PIK3C2A: variants seen among roughly 807,000 people sequenced by gnomAD.
PIK3C2A encodes phosphatidylinositol-4-phosphate 3-kinase catalytic subunit type 2 alpha.
In PIK3C2A, 97 loss-of-function variants were observed where a neutral mutation model predicts 204.5. That is an observed-to-expected ratio of 0.47 (90% CI 0.40 to 0.56). The LOEUF (loss-of-function observed/expected upper bound fraction) is 0.56. Ranked by LOEUF, PIK3C2A falls within the 20% of genes least tolerant of loss-of-function variation. PIK3C2A has a pLI of 0.00. For synonymous variants in PIK3C2A, 653 were observed against 664.4 expected (o/e 0.98, Z 0.26); for missense variants, 1,735 against 1,969.2 (o/e 0.88, Z 2.25).
Position 17,117,598 on chromosome 11 carries a change from C to T in PIK3C2A, c.3109G>A (p.Val1037Ile). 6.2e-7 allele frequency: 1 copy of T among 1,612,668 alleles called. No homozygotes were observed. The highest frequency in any genetic ancestry group is 8.5e-7 in the Non-Finnish European group (1 of 1,178,842). The stretch of plus-strand genomic sequence containing the variant: ...TCTTCTCTAAGTCGTTTTCCTCCTA[C>T]TGACAGGAGAGCACCCAAAACATGT... Reference protein sequence around the residue: ...YEHVLGALLSVGGKRLREELL... With the variant: ...YEHVLGALLSIGGKRLREELL... Residue 1037 changes from valine (V) to isoleucine (I), a missense_variant, in exon 19 of 33, where the codon GTA becomes ATA. Coordinates refer to ENST00000691414, the MANE Select transcript of PIK3C2A (RefSeq NM_002645.4).
In PIK3C2A at chr11:17,099,933, G is replaced by T; in HGVS notation, c.4045C>A (p.Gln1349Lys). 1 of 1,590,322 alleles carries T rather than the reference G, an allele frequency of 6.3e-7. No homozygotes were observed. The highest frequency in any genetic ancestry group is 8.6e-7 in the Non-Finnish European group (1 of 1,158,918). Reference protein sequence around the residue: ...PSGLPELTSIQDLKYVRDALQ... With the variant: ...PSGLPELTSIKDLKYVRDALQ... ...GCATCTCTAACGTATTTCAAATCTT[G>T]AATACTTGTAAGTTCTGGTAACCCT... Residue 1349 changes from glutamine to lysine, a missense_variant, in exon 26 of 33, where the codon CAA (glutamine) becomes AAA (lysine). Physicochemically the swap from Gln to Lys is moderately conservative, Grantham distance 53 (BLOSUM62 1). Around this residue, in one of 6 missense-constraint regions of PIK3C2A, gnomAD observed 503 missense variants for 669.0 expected, o/e 0.75. Coordinates refer to ENST00000691414, the MANE Select transcript of PIK3C2A (RefSeq NM_002645.4).
At chr11:17,191,266 G>A (rs1267778304) in intron 1 of PIK3C2A, among the ~76,000 whole-genome samples, 2 of 152,126 alleles carry the variant, frequency 1.3e-5, no homozygotes, top group Non-Finnish European at 2.9e-5. Context: ...TGTCCTTCTG[G>A]CCAGGGTTGG....
intron 28 of PIK3C2A, among the ~76,000 whole-genome samples, chr11:17,092,546 C>T (rs1172533321): frequency 6.6e-6 from 1 of 152,046 alleles, no homozygotes; most frequent in Admixed American, 6.6e-5. Flanking sequence ...TAATCAGATA[C>T]CTATAATCCC....
At chr11:17,168,529 C>G (rs888608338) in intron 2 of PIK3C2A, 148 bp downstream of exon 2, 2 of 597,254 alleles carry the variant, frequency 3.3e-6, no homozygotes, top group East Asian at 5.9e-5. Flanking sequence ...TGCAGTGAGC[C>G]GAAATCACGC....
At chr11:17,096,641 A>G (rs577812121) in intron 27 of PIK3C2A, among the ~76,000 whole-genome samples, 2 of 152,354 alleles carry the variant, frequency 1.3e-5, no homozygotes, top group African/African-American at 4.8e-5. Flanking sequence ...TTATCTAACA[A>G]AAAAGGTAGC....
chr11:17,178,937 G>A (rs1047417535), intron 1 of PIK3C2A, among the ~76,000 whole-genome samples: 2 of 151,136 alleles, frequency 1.3e-5, no homozygotes, highest in Non-Finnish European at 2.9e-5. Flanking sequence ...CACCTTGTTA[G>A]CCAGGATGGT....
chr11:17,205,748 T>C (rs1468222256), intron 1 of PIK3C2A, among the ~76,000 whole-genome samples: 1 of 152,158 alleles, frequency 6.6e-6, no homozygotes, highest in Non-Finnish European at 1.5e-5. Flanking sequence ...AGAAACAAAC[T>C]TAGTATACAG....
intron 15 of PIK3C2A, 125 bp from the exon 16 acceptor site, chr11:17,120,099 C>A: frequency 2.0e-6 from 1 of 506,472 alleles, no homozygotes; most frequent in Non-Finnish European, 3.4e-6. Context: ...ATCATTAATA[C>A]TAATTTGGAA....
At chr11:17,094,004 C>G (rs752816143) in intron 28 of PIK3C2A, among the ~76,000 whole-genome samples, 4 of 152,170 alleles carry the variant, frequency 2.6e-5, no homozygotes, top group East Asian at 1.9e-4. Context: ...ATGGTAGAGA[C>G]AGCAAAGTTA....
rs775560762 is a variant in PIK3C2A at position 17,168,989 on chromosome 11, T to C, written c.753A>G (p.Ser251=). The C allele has an allele frequency of 2.2e-5, 36 of 1,613,640 alleles. No individual in the cohort carries two copies. The Admixed American group carries it at 3.8e-4, about 17-fold the overall frequency. The part of the protein sequence containing the change: ...KARTDLEITD[S]KVSNLQVSPK... ...GAGATACCTGTAGATTGCTGACTTT[T>C]GAATCTGTTATCTCCAAATCAGTCC... is the stretch of plus-strand genomic sequence containing the variant. Residue 251 remains serine, a synonymous_variant, in exon 2 of 33, where the codon TCA becomes TCG. Coordinates refer to ENST00000691414, the MANE Select transcript of PIK3C2A (RefSeq NM_002645.4).
intron 1 of PIK3C2A, among the ~76,000 whole-genome samples, chr11:17,181,203 G>A (rs1329461301): frequency 6.6e-6 from 1 of 151,994 alleles, no homozygotes; most frequent in African/African-American, 2.4e-5. Context: ...TCATTATATA[G>A]ACATGGTTGA....
intron 22 of PIK3C2A, among the ~76,000 whole-genome samples, chr11:17,105,982 A>C (rs1207290212): frequency 1.3e-5 from 2 of 151,786 alleles, no homozygotes; most frequent in East Asian, 3.9e-4. Flanking sequence ...GGTGGTAGGC[A>C]CCTGTAATCC....
chr11:17,193,715 G>A (rs888128837), intron 1 of PIK3C2A, among the ~76,000 whole-genome samples: 5 of 151,192 alleles, frequency 3.3e-5, no homozygotes, highest in Admixed American at 1.3e-4. Context: ...GCATGATGGC[G>A]CGCGTCTGTA....
chr11:17,095,346 C>T (rs1183855005), intron 27 of PIK3C2A, among the ~76,000 whole-genome samples: 2 of 148,080 alleles, frequency 1.4e-5, no homozygotes, highest in East Asian at 4.0e-4. Flanking sequence ...AAGGCTGAGG[C>T]AGGTGGATCA....
intron 24 of PIK3C2A, among the ~76,000 whole-genome samples, chr11:17,101,642 C>T (rs1384691651): frequency 3.5e-5 from 5 of 144,484 alleles, no homozygotes; most frequent in Admixed American, 1.4e-4. Context: ...CCTGCTCTGT[C>T]GCCCAGGCTG....
intron 2 of PIK3C2A, among the ~76,000 whole-genome samples, chr11:17,164,117 C>T (rs10741723): frequency 0.93 from 142,127 of 152,114 alleles, 66,942 homozygotes; most frequent in Middle Eastern, 0.99. Flanking sequence ...CTGAAAACTA[C>T]AGTCTTCTCT....
chr11:17,155,294 A>G (rs1336038006), intron 3 of PIK3C2A, among the ~76,000 whole-genome samples: 1 of 152,226 alleles, frequency 6.6e-6, no homozygotes, highest in Non-Finnish European at 1.5e-5. Flanking sequence ...TTATTACAGT[A>G]TCAGAAGTCT....
chr11:17,158,596 G>A (rs1032963110), intron 2 of PIK3C2A, among the ~76,000 whole-genome samples: 2 of 151,838 alleles, frequency 1.3e-5, no homozygotes, highest in African/African-American at 4.8e-5. Context: ...ATGCTAATCT[G>A]TCTCTCAAAA....
chr11:17,180,769 C>T (rs1206337161), intron 1 of PIK3C2A, among the ~76,000 whole-genome samples: 1 of 152,152 alleles, frequency 6.6e-6, no homozygotes, highest in Non-Finnish European at 1.5e-5. Flanking sequence ...TTGCAGTGAG[C>T]CAAAATTGTG....
Sources: gnomAD v4.1 joint callset for allele counts (sites outside exome capture counted in the v4.1 genomes callset) on GRCh38, gnomAD v4.1.1 for gene constraint, gnomAD v4.1.1 regional missense constraint, MANE v1.5 for transcripts, NCBI Gene and HGNC (gene_info 2026-07-23, HGNC 2026-07-21) for gene names.